The following SLC35F3 variants were observed in gnomAD, a reference collection of about 807,000 sequenced individuals.
SLC35F3 encodes solute carrier family 35 member F3, also known as putative thiamine transporter SLC35F3.
In SLC35F3, 25 loss-of-function variants were observed where a neutral mutation model predicts 49.9. That is an observed-to-expected ratio of 0.50 (90% CI 0.37 to 0.70). The LOEUF is 0.70. SLC35F3 is among the 30% of genes least tolerant of loss of function. SLC35F3 has a pLI of 0.00. For missense variants in SLC35F3, 525 were observed against 639.8 expected (o/e 0.82, Z 1.94); for synonymous variants, 275 against 265.4 (o/e 1.04, Z -0.35).
chr1:234,080,432 A>G (rs1256044738), intron 2 of SLC35F3, among the ~76,000 whole-genome samples: 1 of 152,236 alleles, frequency 6.6e-6, no homozygotes. Flanking sequence ...AAACATGCAT[A>G]TGAATGTTCC....
intron 2 of SLC35F3, among the ~76,000 whole-genome samples, chr1:234,066,812 T>C (rs1664625371): frequency 7.0e-6 from 1 of 142,016 alleles, no homozygotes; most frequent in South Asian, 2.3e-4. Flanking sequence ...TCTCTCTCTG[T>C]CTCTGTCCCT....
chr1:234,284,640 G>C (rs558379852), intron 3 of SLC35F3, among the ~76,000 whole-genome samples: 1 of 152,322 alleles, frequency 6.6e-6, no homozygotes, highest in African/African-American at 2.4e-5. Flanking sequence ...GAATTCAAAA[G>C]ACTAAGCAGG....
chr1:233,935,746 G>A (rs932070033), intron 2 of SLC35F3, among the ~76,000 whole-genome samples: 8 of 152,250 alleles, frequency 5.3e-5, no homozygotes, highest in Middle Eastern at 3.4e-3. Flanking sequence ...ACTTGAGCCC[G>A]AGTGCAAGCT....
intron 2 of SLC35F3, among the ~76,000 whole-genome samples, chr1:234,105,125 TAAAAA>T (rs4027096): frequency 7.7e-6 from 1 of 130,436 alleles, no homozygotes; most frequent in South Asian, 2.5e-4. Context: ...GAGACTCCGT[TAAAAA>T]AAAAAAAAAA....
chr1:234,138,604 G>A (rs1019634622), intron 2 of SLC35F3, among the ~76,000 whole-genome samples: 4 of 152,160 alleles, frequency 2.6e-5, no homozygotes, highest in African/African-American at 9.7e-5. Flanking sequence ...CATCCAGGCT[G>A]GAGTGCAGTC....
chr1:233,935,226 G>T (rs1480763171), intron 2 of SLC35F3, among the ~76,000 whole-genome samples: 1 of 66,670 alleles, frequency 1.5e-5, no homozygotes, highest in Non-Finnish European at 2.8e-5. Context: ...TTGCATACCT[G>T]AAAATACATG....
At chr1:234,145,845 C>T (rs192887775) in intron 2 of SLC35F3, among the ~76,000 whole-genome samples, 8 of 152,178 alleles carry the variant, frequency 5.3e-5, no homozygotes, top group Admixed American at 5.2e-4. Context: ...ATGTTTATGA[C>T]GATCATATCA....
intron 2 of SLC35F3, among the ~76,000 whole-genome samples, chr1:234,145,768 C>G (rs1037072136): frequency 1.3e-5 from 2 of 152,156 alleles, no homozygotes; most frequent in African/African-American, 4.8e-5. Flanking sequence ...GCTAGAGCAT[C>G]TGTGATTTTG....
At chr1:233,927,041 T>C (rs1558180800) in intron 2 of SLC35F3, among the ~76,000 whole-genome samples, 1 of 152,222 alleles carries the variant, frequency 6.6e-6, no homozygotes, top group Non-Finnish European at 1.5e-5. Flanking sequence ...TTCTTTCACT[T>C]AGTAACATGT....
intron 2 of SLC35F3, among the ~76,000 whole-genome samples, chr1:234,109,094 G>T (rs1009975018): frequency 6.6e-6 from 1 of 152,066 alleles, no homozygotes; most frequent in Non-Finnish European, 1.5e-5. Flanking sequence ...GAGGCGTTTT[G>T]TTTTGCAGAA....
intron 2 of SLC35F3, among the ~76,000 whole-genome samples, chr1:234,053,353 T>C (rs1664406691): frequency 6.6e-6 from 1 of 152,256 alleles, no homozygotes; most frequent in Admixed American, 6.5e-5. Flanking sequence ...TTAGGATAGT[T>C]AGCTCTTTTT....
At chr1:234,291,992 C>T (rs1668515589) in intron 3 of SLC35F3, among the ~76,000 whole-genome samples, 1 of 152,130 alleles carries the variant, frequency 6.6e-6, no homozygotes. Flanking sequence ...TGTCTTAGCT[C>T]CAGGGAAACC....
rs1558209119 is a variant in SLC35F3, at chr1:234,027,254, G to A, written c.283+121496G>A. ...TGGGCTGCTCACTGGGCCACAGAGG[G>A]CAGTGGCAGCTGGGTGCTGAGATGG... On this transcript the variant is annotated intron_variant, in intron 2 of 7. Coordinates refer to ENST00000366618, the MANE Select transcript of SLC35F3 (RefSeq NM_173508.4). This position sits in a 1 kb window ranked among gnomAD's most constrained non-coding sequence, Gnocchi z 4.1. 1 of 155,384 alleles carries A rather than the reference G, an allele frequency of 6.4e-6. No individual in the cohort carries two copies. Among genetic ancestry groups the A allele is most frequent in the Middle Eastern group, 7.4e-4 (1 of 1,346 alleles). The allele number at this position is 155,384 out of a possible 1,614,324, so 9.6% of individuals were successfully genotyped here.
chr1:234,213,478 G>A (rs41315599), intron 2 of SLC35F3: 4,609 of 152,402 alleles, frequency 0.03, 103 homozygotes, highest in Non-Finnish European at 0.046. Flanking sequence ...CACCTCTGAT[G>A]ATGCACTGTC....
intron 2 of SLC35F3, among the ~76,000 whole-genome samples, chr1:233,911,585 A>G (rs1393379011): frequency 6.6e-6 from 1 of 152,256 alleles, no homozygotes; most frequent in Non-Finnish European, 1.5e-5. Context: ...ACCCCAGCTC[A>G]CTTAGATCAT....
intron 3 of SLC35F3, among the ~76,000 whole-genome samples, chr1:234,295,237 C>A (rs1190607065): frequency 6.6e-6 from 1 of 152,200 alleles, no homozygotes; most frequent in Non-Finnish European, 1.5e-5. Flanking sequence ...GACGAAGGGA[C>A]TACAGTTGGG....
chr1:234,158,036 A>G (rs1017734752), intron 2 of SLC35F3, among the ~76,000 whole-genome samples: 15 of 151,940 alleles, frequency 9.9e-5, no homozygotes, highest in Admixed American at 2.0e-4. Flanking sequence ...TACTTCCGGG[A>G]CTCATCTTCA....
At chr1:234,253,202 T>G (rs894664372) in intron 3 of SLC35F3, among the ~76,000 whole-genome samples, 11 of 152,168 alleles carry the variant, frequency 7.2e-5, no homozygotes, top group Non-Finnish European at 1.6e-4. Flanking sequence ...GGGGCACACC[T>G]GTAATCCCAG....
chr1:234,188,337 G>A (rs994860151), intron 2 of SLC35F3, among the ~76,000 whole-genome samples: 1 of 152,132 alleles, frequency 6.6e-6, no homozygotes, highest in Non-Finnish European at 1.5e-5. Flanking sequence ...AACAGACTCA[G>A]TGCTGGTGAG....
Sources: gnomAD v4.1 joint callset for allele counts (sites outside exome capture counted in the v4.1 genomes callset) on GRCh38, gnomAD v4.1.1 for gene constraint, Gnocchi (gnomAD v3.1) non-coding constraint, MANE v1.5 for transcripts, NCBI Gene and HGNC (gene_info 2026-07-23, HGNC 2026-07-21) for gene names.